The following ESR1 variants were observed in gnomAD, a reference collection of about 807,000 sequenced individuals.
ESR1 encodes the protein estrogen receptor.
A neutral mutation model predicts 52.7 loss-of-function variants in ESR1; 12 were observed. That is an observed-to-expected ratio of 0.23 (90% CI 0.15 to 0.37). The LOEUF is 0.37. Ranked by LOEUF, ESR1 falls within the 10% of genes least tolerant of loss-of-function variation. The probability of loss-of-function intolerance (pLI) is 1.00; values close to 1 mark genes in which losing one functional copy is unlikely to be tolerated. For synonymous variants in ESR1, 305 were observed against 316.8 expected, an observed-to-expected ratio of 0.96 and a Z score of 0.39; for missense variants, 584 against 779.7, an observed-to-expected ratio of 0.75 and a Z score of 2.99.
chr6:151,686,070 T>TTTTTTTTTTTTTTTTTTTTTTTG (rs1778655818), upstream of ESR1, among the ~76,000 whole-genome samples: 1 of 144,004 alleles, frequency 6.9e-6, no homozygotes, highest in African/African-American at 2.6e-5. Flanking sequence ...AACAATTTTT[T>TTTTTTTTTTTTTTTTTTTTTTTG]TTTTTTTTTT....
At chr6:151,896,047 C>T (rs558607329) in intron 3 of ESR1, among the ~76,000 whole-genome samples, 2 of 152,330 alleles carry the variant, frequency 1.3e-5, no homozygotes, top group South Asian at 4.1e-4. Context: ...CTTGGCCTCT[C>T]AAAGGACTCT....
At chr6:151,697,575 T>C (rs1456586525) in intron 1 of ESR1, among the ~76,000 whole-genome samples, 1 of 152,256 alleles carries the variant, frequency 6.6e-6, no homozygotes, top group African/African-American at 2.4e-5. Flanking sequence ...AAGATATAGA[T>C]GCAGAAGAAA....
intron 3 of ESR1, among the ~76,000 whole-genome samples, chr6:151,896,839 G>T (rs543579769): frequency 6.6e-6 from 1 of 151,878 alleles, no homozygotes; most frequent in East Asian, 1.9e-4. Context: ...TTTCCTCTTC[G>T]CATTGCTTTT....
At chr6:151,745,145 A>T (rs1267135759) in intron 2 of ESR1, among the ~76,000 whole-genome samples, 1 of 152,210 alleles carries the variant, frequency 6.6e-6, no homozygotes, top group Non-Finnish European at 1.5e-5. Flanking sequence ...CTTAGTTTCT[A>T]TAAAATAGTT....
chr6:152,096,675 T>C (rs1340322923), intron 7 of ESR1: 1 of 456,038 alleles, frequency 2.2e-6, no homozygotes, highest in East Asian at 6.9e-5. Flanking sequence ...CAAGGATTCC[T>C]GTGTAACAGA....
intron 3 of ESR1, among the ~76,000 whole-genome samples, chr6:151,902,800 C>T (rs936045690): frequency 5.3e-5 from 8 of 152,134 alleles, no homozygotes; most frequent in South Asian, 2.1e-4. Context: ...ATGAAAAGTA[C>T]GTTCAATTTT....
chr6:152,060,921 A>G (rs899033002), intron 5 of ESR1, 70 bp from the exon 6 acceptor site: 3 of 1,301,458 alleles, frequency 2.3e-6, no homozygotes, highest in East Asian at 2.5e-5. Flanking sequence ...GAACCCTTTC[A>G]TGTCTTGTGG....
At chr6:151,955,737 A>G (rs920423128) in intron 4 of ESR1, among the ~76,000 whole-genome samples, 2 of 152,122 alleles carry the variant, frequency 1.3e-5, no homozygotes, top group Non-Finnish European at 2.9e-5. Flanking sequence ...AGTAACTTTT[A>G]TTTTAGGTTC....
At chr6:152,028,292 T>C (rs1584892021) in intron 5 of ESR1, among the ~76,000 whole-genome samples, 2 of 152,222 alleles carry the variant, frequency 1.3e-5, no homozygotes, top group South Asian at 4.1e-4. Flanking sequence ...TATTGGACAG[T>C]GGGTGCAGGA....
At chr6:151,671,277 A>G (rs1189736614) in intron 1 of ESR1, among the ~76,000 whole-genome samples, 2 of 152,190 alleles carry the variant, frequency 1.3e-5, no homozygotes, top group Non-Finnish European at 2.9e-5. Context: ...TATGGAATCG[A>G]CCTGAGTGTC....
rs561232218 is a variant in ESR1 at position 151,734,155 on chromosome 6, A to G, written c.-71+32150A>G. On this transcript the variant is annotated intron_variant, in intron 2 of 2. Transcript: ENST00000404742. ...TTGGTTTGGTGCATGGTGGTATTTT[A>G]AGAAAGGCAAAGTTTTATTTAAATG... Among the ~76,000 whole-genome samples the G allele has an allele frequency of 3.9e-5, 6 of 152,284 alleles. No homozygotes were observed. In the East Asian group the frequency reaches 1.2e-3, roughly 29 times the overall value.
intron 2 of ESR1, among the ~76,000 whole-genome samples, chr6:151,752,829 G>T: frequency 6.6e-6 from 1 of 152,114 alleles, no homozygotes; most frequent in East Asian, 1.9e-4. Context: ...TCTTTTAGAG[G>T]ATATTGTAGG....
At chr6:152,000,111 G>T (rs2041833112) in intron 4 of ESR1, among the ~76,000 whole-genome samples, 1 of 152,060 alleles carries the variant, frequency 6.6e-6, no homozygotes. Flanking sequence ...TCCAGGGAAT[G>T]TGATAGATAC....
intron 4 of ESR1, among the ~76,000 whole-genome samples, chr6:151,958,267 A>T (rs1020948771): frequency 1.3e-5 from 2 of 152,176 alleles, no homozygotes; most frequent in African/African-American, 4.8e-5. Flanking sequence ...AACTTTGAAA[A>T]GGAATTAGAA....
Position 151,853,169 on chromosome 6 carries a change from CAAAAAAAAAAAAA to C in ESR1, c.643+10399_643+10411del, listed in dbSNP as rs386408969. 2.8e-3 allele frequency among the ~76,000 whole-genome samples: 121 copies of C among 42,904 alleles called. 3 individuals carry two copies. The highest frequency in any genetic ancestry group is 8.4e-3 in the South Asian group (5 of 596). The allele number at this position is 42,904 out of a possible 152,430, so 28.1% of individuals were successfully genotyped here. A position where few individuals can be genotyped will look rare whatever the true frequency, so the allele number is the denominator to read the frequency against. On this transcript the variant is annotated intron_variant, in intron 2 of 7. Transcript: ENST00000206249. ...CCTGGCGACAGAGTGAGACTCGTCTCAAAAAAAAAAAAAAAAAAAAAAAAAAAAAGAGAAAGAA... is the reference window on the plus strand; with the variant it reads ...CCTGGCGACAGAGTGAGACTCGTCTCAAAAAAAAAAAAAAAAGAGAAAGAA...
intron 2 of ESR1, among the ~76,000 whole-genome samples, chr6:151,721,510 C>T (rs1781461563): frequency 6.6e-6 from 1 of 152,210 alleles, no homozygotes; most frequent in South Asian, 2.1e-4. Context: ...GTAAGTACAT[C>T]TGCTGGTATT....
chr6:151,911,371 G>A (rs1417822797), intron 3 of ESR1, among the ~76,000 whole-genome samples: 2 of 152,148 alleles, frequency 1.3e-5, no homozygotes, highest in Non-Finnish European at 1.5e-5. Context: ...GGAAGTTATG[G>A]TTATTGCATG....
chr6:151,660,805 A>G (rs919850656), intron 1 of ESR1, among the ~76,000 whole-genome samples: 29 of 152,302 alleles, frequency 1.9e-4, no homozygotes, highest in African/African-American at 6.7e-4. Context: ...GTAAGCCCCA[A>G]TACACTGCCT....
intron 6 of ESR1, among the ~76,000 whole-genome samples, chr6:152,112,218 G>T (rs1299747655): frequency 1.3e-5 from 2 of 152,172 alleles, no homozygotes; most frequent in Non-Finnish European, 2.9e-5. Flanking sequence ...TATGGAAAAA[G>T]CAGCTAAACT....
Sources: allele counts gnomAD v4.1 joint callset (sites outside exome capture counted in the v4.1 genomes callset), GRCh38; gene constraint gnomAD v4.1.1; transcripts MANE v1.5; gene names NCBI Gene and HGNC (gene_info 2026-07-23, HGNC 2026-07-21).